Variants in SND1 observed in about 807,000 individuals in gnomAD.
SND1 encodes staphylococcal nuclease domain-containing protein 1.
A neutral mutation model predicts 121.7 loss-of-function variants in SND1; 38 were observed. The observed-to-expected ratio is 0.31, with a 90% CI of 0.24 to 0.41. SND1 has a LOEUF of 0.41. SND1 is among the 10% of genes least tolerant of loss of function. The pLI, the probability that SND1 is intolerant of heterozygous loss-of-function variation, is 1.00. For synonymous variants in SND1, 401 were observed against 447.4 expected, an observed-to-expected ratio of 0.90 and a Z score of 1.31; for missense variants, 868 against 1,184.6, an observed-to-expected ratio of 0.73 and a Z score of 3.92.
At chr7:127,929,006 C>T (rs1302655447) in intron 14 of SND1, among the ~76,000 whole-genome samples, 182 bp from the exon 15 acceptor site, 1 of 152,154 alleles carries the variant, frequency 6.6e-6, no homozygotes, top group Non-Finnish European at 1.5e-5. Flanking sequence ...TGGAAACTGT[C>T]GATTAACTAT....
intron 16 of SND1, among the ~76,000 whole-genome samples, chr7:128,008,548 G>A (rs1246953245): frequency 9.3e-5 from 14 of 150,782 alleles, no homozygotes; most frequent in African/African-American, 3.4e-4. Context: ...GCCCATCCAC[G>A]ATTGCCCTCG....
chr7:127,875,262 G>A (rs1464385649), intron 12 of SND1, among the ~76,000 whole-genome samples: 2 of 152,068 alleles, frequency 1.3e-5, no homozygotes, highest in East Asian at 1.9e-4. Context: ...AATATTTATT[G>A]AGTGCCTACT....
At chr7:128,028,815 G>A (rs1485753393) in intron 16 of SND1, 2 of 1,614,042 alleles carry the variant, frequency 1.2e-6, no homozygotes, top group African/African-American at 1.3e-5. Context: ...TGGTTTGTAG[G>A]TGTTGTAGTT....
At chr7:128,023,147 C>A (rs537188341) in intron 16 of SND1, among the ~76,000 whole-genome samples, 1 of 152,256 alleles carries the variant, frequency 6.6e-6, no homozygotes, top group East Asian at 1.9e-4. Flanking sequence ...AGCCCCTTAG[C>A]CTGTGTATCT....
chr7:127,753,522 A>G (rs1797139783), intron 10 of SND1, among the ~76,000 whole-genome samples: 1 of 151,992 alleles, frequency 6.6e-6, no homozygotes, highest in African/African-American at 2.4e-5. Flanking sequence ...GTCCCCAATC[A>G]GATCCTTGCT....
intron 1 of SND1, among the ~76,000 whole-genome samples, chr7:127,666,356 G>C (rs1795418406): frequency 6.6e-6 from 1 of 152,174 alleles, no homozygotes; most frequent in Non-Finnish European, 1.5e-5. Context: ...GTGTTCCTTT[G>C]ATTATCAACA....
intron 10 of SND1, among the ~76,000 whole-genome samples, chr7:127,801,902 C>T (rs914805866): frequency 2.0e-5 from 3 of 152,006 alleles, no homozygotes; most frequent in South Asian, 2.1e-4. Context: ...AGTGCAGTGG[C>T]GCGATCTCAG....
At chr7:127,755,446 G>A (rs1478644479) in intron 10 of SND1, among the ~76,000 whole-genome samples, 2 of 152,176 alleles carry the variant, frequency 1.3e-5, no homozygotes, top group African/African-American at 2.4e-5. Context: ...GCTAAAACCC[G>A]GTGTAAAATC....
intron 14 of SND1, among the ~76,000 whole-genome samples, chr7:127,907,513 C>A (rs1198574358): frequency 6.6e-6 from 1 of 152,172 alleles, no homozygotes; most frequent in African/African-American, 2.4e-5. Flanking sequence ...ATTGATCCCC[C>A]TCTTAGTTGC....
At chr7:127,938,190 T>C (rs1801102203) in intron 15 of SND1, among the ~76,000 whole-genome samples, 1 of 152,212 alleles carries the variant, frequency 6.6e-6, no homozygotes, top group South Asian at 2.1e-4. Context: ...ATAGGAATTA[T>C]AAGAATTATG....
At chr7:128,056,056 T>C (rs62483977) in intron 16 of SND1, among the ~76,000 whole-genome samples, 6,674 of 152,334 alleles carry the variant, frequency 0.044, 212 homozygotes, top group Non-Finnish European at 0.057. Context: ...AAAATGGGAC[T>C]TAAAACAACC....
intron 10 of SND1, among the ~76,000 whole-genome samples, chr7:127,759,091 T>TAGATAGATAGAC (rs1021630214): frequency 4.6e-5 from 7 of 151,836 alleles, no homozygotes; most frequent in Admixed American, 6.6e-5. Context: ...GATAGATAGA[T>TAGATAGATAGAC]AGATAGATAG....
intron 16 of SND1, among the ~76,000 whole-genome samples, chr7:128,025,905 T>C (rs933824399): frequency 1.3e-5 from 2 of 152,110 alleles, no homozygotes; most frequent in Non-Finnish European, 2.9e-5. Flanking sequence ...TAGGACTCTT[T>C]CCCGAGATTG....
chr7:128,030,335 C>A, intron 16 of SND1: 1 of 1,614,096 alleles, frequency 6.2e-7, no homozygotes. Flanking sequence ...ACTGCAGGAC[C>A]TCCAGGTGGT....
chr7:127,932,290 C>T (rs941298597), intron 15 of SND1, among the ~76,000 whole-genome samples: 1 of 152,036 alleles, frequency 6.6e-6, no homozygotes, highest in African/African-American at 2.4e-5. Flanking sequence ...TTCAAGACTT[C>T]AATGGAGGAA....
chr7:127,855,611 T>C (rs1372886326), intron 12 of SND1, among the ~76,000 whole-genome samples: 1 of 152,202 alleles, frequency 6.6e-6, no homozygotes, highest in Non-Finnish European at 1.5e-5. Flanking sequence ...ATTTTAAATG[T>C]TTAGCATAGT....
chr7:127,683,817 G>A (rs1165543215), intron 1 of SND1, among the ~76,000 whole-genome samples: 1 of 152,216 alleles, frequency 6.6e-6, no homozygotes, highest in Non-Finnish European at 1.5e-5. Flanking sequence ...TATAAAAGGT[G>A]TAGAGAGCCT....
At chr7:127,734,451 A>G (rs1360879287) in intron 10 of SND1, among the ~76,000 whole-genome samples, 1 of 152,144 alleles carries the variant, frequency 6.6e-6, no homozygotes, top group East Asian at 1.9e-4. Context: ...GCCTTGTTAG[A>G]TCTGGGGTCA....
At chr7:128,026,517 T>C (rs1464625499) in intron 16 of SND1, among the ~76,000 whole-genome samples, 1 of 152,242 alleles carries the variant, frequency 6.6e-6, no homozygotes, top group Non-Finnish European at 1.5e-5. Flanking sequence ...TGCAGGGTCC[T>C]GATTCACGCA....
Sources: allele counts gnomAD v4.1 joint callset (sites outside exome capture counted in the v4.1 genomes callset), GRCh38; gene constraint gnomAD v4.1.1; transcripts MANE v1.5; gene names NCBI Gene and HGNC (gene_info 2026-07-23, HGNC 2026-07-21).